Variants in PRKN observed in about 807,000 individuals in gnomAD.
PRKN encodes the protein E3 ubiquitin-protein ligase parkin.
PRKN carries 56 observed loss-of-function variants against 59.5 expected under a neutral mutation model. That is an observed-to-expected ratio of 0.94 (90% CI 0.76 to 1.18). The LOEUF (loss-of-function observed/expected upper bound fraction) is 1.18, where lower values mean the gene tolerates loss of function less well. Ranked by LOEUF, PRKN falls within the 50% of genes most tolerant of loss-of-function variation. The pLI, the probability that PRKN is intolerant of heterozygous loss-of-function variation, is 0.00. For synonymous variants in PRKN, 250 were observed against 222.1 expected, an observed-to-expected ratio of 1.13 and a Z score of -1.12; for missense variants, 657 against 596.4, an observed-to-expected ratio of 1.10 and a Z score of -1.06.
At chr6:162,217,072 T>C (rs1478497274) in intron 3 of PRKN, among the ~76,000 whole-genome samples, 1 of 152,178 alleles carries the variant, frequency 6.6e-6, no homozygotes, top group Non-Finnish European at 1.5e-5. Flanking sequence ...TATAAATGTA[T>C]ATGCTCAACT....
At chr6:161,490,808 G>C (rs1262755169) in intron 9 of PRKN, among the ~76,000 whole-genome samples, 1 of 152,112 alleles carries the variant, frequency 6.6e-6, no homozygotes, top group African/African-American at 2.4e-5. Context: ...TCTCATGCTT[G>C]TGTGAGCACC....
rs1583526171 is a variant in PRKN at position 162,411,387 on chromosome 6, T to G, written c.171+31923A>C. Among the ~76,000 whole-genome samples, 3 of 152,264 alleles carry G rather than the reference T, an allele frequency of 2.0e-5. No individual in the cohort carries two copies. The East Asian group carries it at 5.8e-4, about 29-fold the overall frequency. ...CTTTCTAGACAAAAGATGGACCACT[T>G]AGACAGCACAGTATAAGAAACAAGG... On this transcript the variant is annotated intron_variant, in intron 2 of 11. Coordinates refer to ENST00000366898, the MANE Select transcript of PRKN (RefSeq NM_004562.3).
At chr6:162,550,360 C>T (rs1438709454) in intron 1 of PRKN, among the ~76,000 whole-genome samples, 1 of 152,040 alleles carries the variant, frequency 6.6e-6, no homozygotes, top group Non-Finnish European at 1.5e-5. Context: ...AGGAAGGAAG[C>T]CCAACAAGGG....
At chr6:161,350,613 A>AATAT (rs1203596781) in intron 11 of PRKN, among the ~76,000 whole-genome samples, 1 of 116,856 alleles carries the variant, frequency 8.6e-6, no homozygotes, top group Admixed American at 1.1e-4. Context: ...TTATATTTAA[A>AATAT]ATATATATAT....
chr6:161,781,628 T>G (rs1790209264), intron 7 of PRKN, among the ~76,000 whole-genome samples: 1 of 152,200 alleles, frequency 6.6e-6, no homozygotes, highest in Admixed American at 6.5e-5. Context: ...TAAAGTTAAT[T>G]TACGCACATT....
chr6:162,034,047 T>A (rs1363770256), intron 5 of PRKN, among the ~76,000 whole-genome samples: 2 of 152,152 alleles, frequency 1.3e-5, no homozygotes, highest in Middle Eastern at 3.4e-3. Flanking sequence ...TACAGTATCA[T>A]AATGTTTGAA....
At chr6:162,696,230 A>C (rs1034930980) in intron 1 of PRKN, among the ~76,000 whole-genome samples, 3 of 152,198 alleles carry the variant, frequency 2.0e-5, no homozygotes, top group African/African-American at 7.2e-5. Context: ...GGAAAATATA[A>C]TTAGAATGCT....
At chr6:162,625,037 G>T (rs560167561) in intron 1 of PRKN, among the ~76,000 whole-genome samples, 1 of 152,234 alleles carries the variant, frequency 6.6e-6, no homozygotes, top group African/African-American at 2.4e-5. Flanking sequence ...CTCAGGTAAG[G>T]CTCTTGCATA....
At chr6:162,202,464 G>C (rs1350774091) in intron 3 of PRKN, among the ~76,000 whole-genome samples, 1 of 152,076 alleles carries the variant, frequency 6.6e-6, no homozygotes, top group Non-Finnish European at 1.5e-5. Context: ...TCATTTGTTT[G>C]CAATATATTT....
At chr6:162,110,774 C>T (rs989064518) in intron 4 of PRKN, among the ~76,000 whole-genome samples, 11 of 152,126 alleles carry the variant, frequency 7.2e-5, no homozygotes, top group African/African-American at 1.9e-4. Flanking sequence ...GGATCACAAA[C>T]GCCACCAGAT....
intron 6 of PRKN, among the ~76,000 whole-genome samples, chr6:161,957,888 A>C (rs1780241630): frequency 6.6e-6 from 1 of 152,218 alleles, no homozygotes; most frequent in Admixed American, 6.5e-5. Flanking sequence ...CAAGGCTTTC[A>C]TTAACTACGC....
At chr6:161,784,115 T>C (rs976539651) in intron 7 of PRKN, among the ~76,000 whole-genome samples, 2 of 152,290 alleles carry the variant, frequency 1.3e-5, no homozygotes, top group South Asian at 2.1e-4. Context: ...TAGAGAGAGA[T>C]AGGAACTTTT....
At chr6:161,780,888 G>A (rs1275989652) in intron 7 of PRKN, among the ~76,000 whole-genome samples, 1 of 152,198 alleles carries the variant, frequency 6.6e-6, no homozygotes, top group Non-Finnish European at 1.5e-5. Context: ...ACATCTGAAA[G>A]TTTCTCTTTG....
intron 7 of PRKN, among the ~76,000 whole-genome samples, chr6:161,645,588 T>C (rs6901369): frequency 0.35 from 52,498 of 152,152 alleles, 9,973 homozygotes; most frequent in African/African-American, 0.5. Flanking sequence ...TTGGTTTTAT[T>C]CCCATTCAAC....
At chr6:162,338,646 G>A (rs1231246873) in intron 2 of PRKN, among the ~76,000 whole-genome samples, 53 of 152,190 alleles carry the variant, frequency 3.5e-4, no homozygotes, top group Non-Finnish European at 5.4e-4. Context: ...CCAAAGTGCC[G>A]AGATTGCAGC....
chr6:161,383,544 TG>T (rs537851740), intron 10 of PRKN, among the ~76,000 whole-genome samples: 295 of 152,320 alleles, frequency 1.9e-3, no homozygotes, highest in Non-Finnish European at 3.2e-3. Context: ...AAGATGTCCA[TG>T]CTCACTCCCT....
intron 2 of PRKN, among the ~76,000 whole-genome samples, chr6:162,281,545 A>C (rs1780911887): frequency 6.6e-6 from 1 of 152,222 alleles, no homozygotes; most frequent in African/African-American, 2.4e-5. Flanking sequence ...CATAGCTTAC[A>C]AACTGACCTA....
intron 2 of PRKN, among the ~76,000 whole-genome samples, chr6:162,292,266 T>C (rs1781468832): frequency 6.6e-6 from 1 of 152,134 alleles, no homozygotes; most frequent in Non-Finnish European, 1.5e-5. Flanking sequence ...GCCCGGCCTC[T>C]TCCAAGTTAT....
At chr6:162,572,080 T>A (rs1254614896) in intron 1 of PRKN, among the ~76,000 whole-genome samples, 1 of 152,162 alleles carries the variant, frequency 6.6e-6, no homozygotes, top group Admixed American at 6.5e-5. Flanking sequence ...CCAGCCTGCA[T>A]CCTGGCACCT....
Sources: allele counts gnomAD v4.1 joint callset (sites outside exome capture counted in the v4.1 genomes callset), GRCh38; gene constraint gnomAD v4.1.1; transcripts MANE v1.5; gene names NCBI Gene and HGNC (gene_info 2026-07-23, HGNC 2026-07-21).